The following CAB39L variants were observed in gnomAD, a reference collection of about 807,000 sequenced individuals.
CAB39L encodes calcium binding protein 39 like.
A neutral mutation model predicts 39.1 loss-of-function variants in CAB39L; 23 were observed. The observed-to-expected ratio is 0.59, with a 90% confidence interval of 0.42 to 0.83. CAB39L has a LOEUF of 0.83. Ranked by LOEUF, CAB39L falls within the 40% of genes least tolerant of loss-of-function variation. The pLI is 0.00. For missense variants in CAB39L, 366 were observed against 391.9 expected (o/e 0.93, Z 0.56); for synonymous variants, 126 against 137.2 (o/e 0.92, Z 0.57).
chr13:49,357,140 C>A (rs1955508866), intron 6 of CAB39L, among the ~76,000 whole-genome samples: 1 of 152,040 alleles, frequency 6.6e-6, no homozygotes, highest in African/African-American at 2.4e-5. Context: ...ACAATTCCCG[C>A]TCCCTTCACA....
At chr13:49,396,173 A>G (rs1956620279) in intron 3 of CAB39L, among the ~76,000 whole-genome samples, 1 of 152,106 alleles carries the variant, frequency 6.6e-6, no homozygotes, top group Admixed American at 6.6e-5. Flanking sequence ...TGGGAAATTT[A>G]TATCTGAAGC....
chr13:49,413,631 T>C (rs898737086), intron 3 of CAB39L: 10 of 152,188 alleles, frequency 6.6e-5, no homozygotes, highest in Admixed American at 2.6e-4. Flanking sequence ...CACATATATT[T>C]GTTGTCAAAG....
intron 3 of CAB39L, among the ~76,000 whole-genome samples, chr13:49,417,749 G>A (rs1222947747): frequency 6.6e-6 from 1 of 152,008 alleles, no homozygotes; most frequent in African/African-American, 2.4e-5. Context: ...TTTTCCCCAA[G>A]AAGTTTTCAG....
At chr13:49,313,240 G>C (rs2138322691) in intron 10 of CAB39L, among the ~76,000 whole-genome samples, 1 of 152,214 alleles carries the variant, frequency 6.6e-6, no homozygotes, top group African/African-American at 2.4e-5. Context: ...CTAGTACTTT[G>C]GGAGGCCGAG....
chr13:49,409,899 CCTCT>C (rs1956954557), intron 3 of CAB39L, among the ~76,000 whole-genome samples: 1 of 142,804 alleles, frequency 7.0e-6, no homozygotes, highest in South Asian at 2.2e-4. Flanking sequence ...ATAGGGAGAC[CCTCT>C]CTCTATTTAA....
chr13:49,357,595 GT>G (rs1466495360), intron 6 of CAB39L, among the ~76,000 whole-genome samples: 1 of 152,152 alleles, frequency 6.6e-6, no homozygotes, highest in Non-Finnish European at 1.5e-5. Flanking sequence ...AAATGTTTTA[GT>G]TTTTAAATAA....
chr13:49,327,429 G>A (rs1954538765), intron 10 of CAB39L, among the ~76,000 whole-genome samples: 2 of 151,744 alleles, frequency 1.3e-5, no homozygotes, highest in African/African-American at 2.4e-5. Context: ...CTAGCCCACT[G>A]AGTATCTGGG....
chr13:49,392,896 A>G (rs1323093111), intron 3 of CAB39L: 1 of 152,210 alleles, frequency 6.6e-6, no homozygotes, highest in East Asian at 1.9e-4. Context: ...TATATCAATA[A>G]GTCAAATAAA....
intron 6 of CAB39L, chr13:49,351,173 T>C (rs1955338813): frequency 3.3e-6 from 1 of 300,298 alleles, no homozygotes; most frequent in South Asian, 1.1e-4. Flanking sequence ...TGAGGCAGAA[T>C]GTAAACAATG....
intron 5 of CAB39L, 113 bp from the exon 6 acceptor site, chr13:49,359,945 C>T (rs1053145666): frequency 1.1e-5 from 6 of 571,208 alleles, no homozygotes; most frequent in African/African-American, 1.9e-5. Context: ...ACCATCCTTT[C>T]TAATATGCAA....
chr13:49,322,185 A>G (rs1200262512), intron 10 of CAB39L, among the ~76,000 whole-genome samples: 1 of 152,120 alleles, frequency 6.6e-6, no homozygotes, highest in African/African-American at 2.4e-5. Context: ...GGCAACACTA[A>G]TCTACTTTCT....
chr13:49,331,985 T>C lies in CAB39L; in HGVS notation c.796A>G (p.Ser266Gly), dbSNP rs748504090. 1.2e-6 allele frequency: 2 copies of C among 1,614,014 alleles called. No individual in the cohort carries two copies. Among genetic ancestry groups the C allele is most frequent in the South Asian group, 2.2e-5 (2 of 91,080 alleles). Reference protein sequence around the residue: ...KLMMNLLRDKSPNIQFEAFHV... With the variant: ...KLMMNLLRDKGPNIQFEAFHV... ...AAGGCTTCAAACTGGATGTTGGGAC[T>C]TTTATCCCGAAGGAGGTTCATCATG... The change falls in exon 10 of 11, where the codon AGT becomes GGT. Residue 266 changes from serine (S) to glycine (G), a missense_variant. Coordinates refer to ENST00000409308, the MANE Select transcript of CAB39L (RefSeq NM_001079670.3).
chr13:49,441,244 T>TATATATATATATATATATATA (rs1957518852), intron 1 of CAB39L, among the ~76,000 whole-genome samples: 1 of 145,140 alleles, frequency 6.9e-6, no homozygotes, highest in Non-Finnish European at 1.5e-5. Context: ...TATATATATA[T>TATATATATATATATATATATA]TCCCTTTTCC....
At chr13:49,443,536 G>A (rs1346391311) in intron 1 of CAB39L, among the ~76,000 whole-genome samples, 1 of 152,118 alleles carries the variant, frequency 6.6e-6, no homozygotes, top group Non-Finnish European at 1.5e-5. Flanking sequence ...TAGTAGAGAG[G>A]CACTCCCCTT....
chr13:49,426,061 A>G (rs1466666709), intron 3 of CAB39L, among the ~76,000 whole-genome samples: 1 of 152,182 alleles, frequency 6.6e-6, no homozygotes, highest in African/African-American at 2.4e-5. Context: ...GGGTCCTAGG[A>G]ATCTCACTGG....
At chr13:49,312,121 CTGGTTTCA>C (rs1490367066) in intron 10 of CAB39L, among the ~76,000 whole-genome samples, 1 of 152,206 alleles carries the variant, frequency 6.6e-6, no homozygotes, top group African/African-American at 2.4e-5. Flanking sequence ...TCTCGAATTC[CTGGTTTCA>C]AACAATCCTT....
intron 9 of CAB39L, among the ~76,000 whole-genome samples, chr13:49,337,923 C>T (rs917985444): frequency 1.3e-5 from 2 of 152,290 alleles, no homozygotes; most frequent in Admixed American, 1.3e-4. Context: ...CTGTTCTTGG[C>T]TGTCATCATA....
intron 3 of CAB39L, among the ~76,000 whole-genome samples, chr13:49,416,272 T>A (rs1957083060): frequency 6.6e-6 from 1 of 152,212 alleles, no homozygotes; most frequent in South Asian, 2.1e-4. Context: ...GAAGAACTAT[T>A]GCCCTTCTAC....
intron 3 of CAB39L, among the ~76,000 whole-genome samples, chr13:49,383,641 T>C (rs1956294052): frequency 6.6e-6 from 1 of 152,206 alleles, no homozygotes; most frequent in African/African-American, 2.4e-5. Context: ...TCATAAAATG[T>C]ATTTGGTTTT....
Sources: allele counts gnomAD v4.1 joint callset (sites outside exome capture counted in the v4.1 genomes callset), GRCh38; gene constraint gnomAD v4.1.1; transcripts MANE v1.5; gene names NCBI Gene and HGNC (gene_info 2026-07-23, HGNC 2026-07-21).